The following SCRG1 variants were observed in gnomAD, a reference collection of about 807,000 sequenced individuals.
SCRG1 encodes stimulator of chondrogenesis 1.
In SCRG1, 3 loss-of-function variants were observed where a neutral mutation model predicts 7.7. The observed-to-expected ratio is 0.39, with a 90% confidence interval of 0.18 to 1.01. The LOEUF (loss-of-function observed/expected upper bound fraction) is 1.01, where lower values mean the gene tolerates loss of function less well. Among genes scored for constraint, SCRG1 ranks in the 50% least tolerant of loss-of-function variants. SCRG1 has a pLI of 0.36. For synonymous variants in SCRG1, 46 were observed against 41.2 expected (o/e 1.12, Z -0.44); for missense variants, 110 against 117.2 (o/e 0.94, Z 0.28).
At chr4:173,516,756 A>C in the SCRG1 span, among the ~76,000 whole-genome samples, 5 of 152,300 alleles carry the variant, frequency 3.3e-5, no homozygotes, top group East Asian at 9.7e-4. Context: ...AGGGAAGGTA[A>C]ATTACCCCGC....
chr4:173,471,150 C>T, the SCRG1 span, among the ~76,000 whole-genome samples: 6 of 152,112 alleles, frequency 3.9e-5, no homozygotes, highest in Admixed American at 3.9e-4. Flanking sequence ...AAAAAGAAAC[C>T]ATCTGATTGA....
intron 1 of SCRG1, among the ~76,000 whole-genome samples, chr4:173,397,075 C>T (rs960130571): frequency 1.3e-5 from 2 of 152,034 alleles, no homozygotes; most frequent in African/African-American, 2.4e-5. Flanking sequence ...TAAAATAAAA[C>T]AAAATAAAAT....
chr4:173,407,207 C>CA (rs113112174), upstream of SCRG1, among the ~76,000 whole-genome samples: 3,325 of 83,012 alleles, frequency 0.04, 48 homozygotes, highest in Middle Eastern at 0.073. Flanking sequence ...AGATCCATCT[C>CA]AAAAAAAAAA....
chr4:173,511,959 C>T, the SCRG1 span, among the ~76,000 whole-genome samples: 7 of 152,170 alleles, frequency 4.6e-5, no homozygotes, highest in Non-Finnish European at 1.0e-4. This position sits in a 1 kb window ranked among gnomAD's most constrained non-coding sequence, Gnocchi z 5.2. Context: ...ACGGTGCTGT[C>T]CAAGTCTACT....
the SCRG1 span, among the ~76,000 whole-genome samples, chr4:173,430,476 C>T: frequency 6.6e-6 from 1 of 152,048 alleles, no homozygotes; most frequent in Non-Finnish European, 1.5e-5. Flanking sequence ...CCAACATGAA[C>T]TCACAATTCT....
chr4:173,409,078 T>A (rs1739985058), upstream of SCRG1, among the ~76,000 whole-genome samples: 1 of 152,112 alleles, frequency 6.6e-6, no homozygotes, highest in African/African-American at 2.4e-5. Context: ...GGGATTTTCT[T>A]TCCTGACCTA....
the SCRG1 span, among the ~76,000 whole-genome samples, chr4:173,483,919 T>TTA: frequency 5.5e-3 from 351 of 63,574 alleles, 3 homozygotes; most frequent in African/African-American, 0.013. Context: ...ATAATATATG[T>TTA]TATATATTTC....
the SCRG1 span, among the ~76,000 whole-genome samples, chr4:173,417,006 A>G: frequency 5.3e-5 from 8 of 149,868 alleles, no homozygotes; most frequent in Non-Finnish European, 1.0e-4. Context: ...TCACATCTTC[A>G]CACACACCCC....
At chr4:173,471,863 C>G in the SCRG1 span, among the ~76,000 whole-genome samples, 1 of 152,200 alleles carries the variant, frequency 6.6e-6, no homozygotes, top group Non-Finnish European at 1.5e-5. Context: ...GCATGCCCCA[C>G]CACGCCCAGC....
chr4:173,464,470 A>G, the SCRG1 span, among the ~76,000 whole-genome samples: 1 of 152,176 alleles, frequency 6.6e-6, no homozygotes, highest in African/African-American at 2.4e-5. Flanking sequence ...GTAAAGAAAC[A>G]CTATCAGAAT....
the SCRG1 span, among the ~76,000 whole-genome samples, chr4:173,453,293 C>T: frequency 2.6e-5 from 4 of 152,180 alleles, no homozygotes; most frequent in African/African-American, 7.2e-5. Context: ...TCAGAATAAA[C>T]GCAGTCAGTA....
At chr4:173,393,830 T>G (rs550712262) in intron 1 of SCRG1, among the ~76,000 whole-genome samples, 1 of 152,150 alleles carries the variant, frequency 6.6e-6, no homozygotes, top group Non-Finnish European at 1.5e-5. Context: ...ATAATTGTTA[T>G]AGCTTCCTGG....
chr4:173,476,109 G>A, the SCRG1 span, among the ~76,000 whole-genome samples: 3 of 151,454 alleles, frequency 2.0e-5, no homozygotes, highest in Non-Finnish European at 4.4e-5. Flanking sequence ...TTTTATCACA[G>A]TTTAAAAATA....
chr4:173,495,438 G>A, the SCRG1 span, among the ~76,000 whole-genome samples: 1 of 152,200 alleles, frequency 6.6e-6, no homozygotes, highest in Non-Finnish European at 1.5e-5. Flanking sequence ...GCCTTTCCAT[G>A]GATTCAGTCA....
chr4:173,495,416 T>G, the SCRG1 span, among the ~76,000 whole-genome samples: 9 of 152,348 alleles, frequency 5.9e-5, no homozygotes, highest in South Asian at 1.2e-3. Context: ...TAGAGAAAGT[T>G]GTTTGGAAAC....
At chr4:173,499,444 T>C in the SCRG1 span, among the ~76,000 whole-genome samples, 6 of 152,206 alleles carry the variant, frequency 3.9e-5, no homozygotes, top group African/African-American at 1.4e-4. This position sits in a 1 kb window ranked among gnomAD's most constrained non-coding sequence, Gnocchi z 4.1. Flanking sequence ...GTAGTAATAA[T>C]AGTAATAGTA....
At chr4:173,481,879 G>T in the SCRG1 span, among the ~76,000 whole-genome samples, 5 of 152,082 alleles carry the variant, frequency 3.3e-5, no homozygotes, top group Non-Finnish European at 5.9e-5. Flanking sequence ...TATTAGTAAA[G>T]TGTTTGGGGA....
At chr4:173,447,778 C>CA in the SCRG1 span, among the ~76,000 whole-genome samples, 18 of 152,154 alleles carry the variant, frequency 1.2e-4, no homozygotes, top group Non-Finnish European at 2.4e-4. Flanking sequence ...TAAAGTACTT[C>CA]TGCTGTGTAC....
the SCRG1 span, among the ~76,000 whole-genome samples, chr4:173,481,705 T>G: frequency 6.6e-6 from 1 of 152,164 alleles, no homozygotes; most frequent in Non-Finnish European, 1.5e-5. Flanking sequence ...CCACTTCCAC[T>G]TAATGAAAGT....
Sources: gnomAD v4.1 joint callset for allele counts (sites outside exome capture counted in the v4.1 genomes callset) on GRCh38, gnomAD v4.1.1 for gene constraint, Gnocchi (gnomAD v3.1) non-coding constraint, MANE v1.5 for transcripts, NCBI Gene and HGNC (gene_info 2026-07-23, HGNC 2026-07-21) for gene names.